The following SI variants were observed in gnomAD, a reference collection of about 807,000 sequenced individuals.
SI encodes the protein sucrase-isomaltase, intestinal.
In SI, 235 loss-of-function variants were observed where a neutral mutation model predicts 253.3. The observed-to-expected ratio is 0.93, with a 90% confidence interval of 0.83 to 1.03. SI has a LOEUF of 1.03. SI is among the 50% of genes least tolerant of loss of function. SI has a pLI of 0.00. For synonymous variants in SI, 819 were observed against 712.0 expected, an observed-to-expected ratio of 1.15 and a Z score of -2.39; for missense variants, 2,442 against 2,211.1, an observed-to-expected ratio of 1.10 and a Z score of -2.09.
intron 13 of SI, among the ~76,000 whole-genome samples, chr3:165,050,121 T>C (rs1713351837): frequency 6.6e-6 from 1 of 152,122 alleles, no homozygotes; most frequent in Non-Finnish European, 1.5e-5. Context: ...TGATTATATA[T>C]AATTACATTA....
rs1452212854 is a variant in SI, at chr3:165,017,665, G to A, written c.3642C>T (p.Gly1214=). 1.9e-6 allele frequency: 3 copies of A among 1,612,480 alleles called. No homozygotes were observed. Among genetic ancestry groups the A allele is most frequent in the Non-Finnish European group, 1.7e-6 (2 of 1,178,986 alleles). Residue 1214 remains glycine, a synonymous_variant, in exon 31 of 48, where the codon GGC becomes GGT. Coordinates refer to ENST00000264382, the MANE Select transcript of SI (RefSeq NM_001041.4). ...CCCAATAAGCTGGCATGACTGGATG[G>A]CCAATTACCTTTAAAAAAAATTCAT... is the stretch of plus-strand genomic sequence containing the variant. The part of the protein sequence containing the change: ...VATKQYHEVI[G]HPVMPAYWAL...
At chr3:164,988,503 C>A (rs1417840608) in intron 44 of SI, among the ~76,000 whole-genome samples, 1 of 152,094 alleles carries the variant, frequency 6.6e-6, no homozygotes, top group Admixed American at 6.6e-5. Context: ...CAAGGCACAC[C>A]TTATGAATGG....
intron 5 of SI, 58 bp downstream of exon 5, chr3:165,068,664 C>T (rs1429862609): frequency 2.4e-6 from 3 of 1,269,616 alleles, no homozygotes; most frequent in East Asian, 4.6e-5. Flanking sequence ...TGAGCCACCG[C>T]GCCCAGCCCA....
chr3:164,991,526 A>T (rs1350437508), intron 43 of SI, 49 bp from the exon 44 acceptor site: 5 of 1,599,066 alleles, frequency 3.1e-6, no homozygotes, highest in Non-Finnish European at 4.3e-6. Context: ...AAATGGAATC[A>T]TCAGCAACAC....
chr3:164,996,783 TA>T lies in SI; in HGVS notation c.4541-12del. The T allele has an allele frequency of 1.0e-6, 1 of 984,656 alleles. No homozygotes were observed. 61.0% of individuals were successfully genotyped at this position (984,656 alleles called of 1,614,324 possible). On this transcript the variant is annotated splice_polypyrimidine_tract_variant and intron_variant, in intron 38 of 47. Transcript: ENST00000264382. ...TAAATTCCATCATACCTGAAAAAGTTAGAAAAAATATCTTAGAAAGTTATTA... is the reference window on the plus strand; with the variant it reads ...TAAATTCCATCATACCTGAAAAAGTTGAAAAAATATCTTAGAAAGTTATTA...
chr3:165,045,226 G>C (rs1713042246), intron 16 of SI, among the ~76,000 whole-genome samples: 1 of 151,824 alleles, frequency 6.6e-6, no homozygotes, highest in South Asian at 2.1e-4. Flanking sequence ...CCCTTTTATT[G>C]TTTAAATTGG....
chr3:165,012,953 T>G, intron 34 of SI, 27 bp downstream of exon 34: 1 of 1,405,652 alleles, frequency 7.1e-7, no homozygotes. Context: ...TTCTTCTCAT[T>G]GTATAGTTAG....
intron 25 of SI, among the ~76,000 whole-genome samples, chr3:165,025,735 A>G (rs964381794): frequency 4.6e-5 from 7 of 151,364 alleles, no homozygotes; most frequent in Non-Finnish European, 1.0e-4. Context: ...ATCCAGAAAA[A>G]CTAAGGTTCA....
chr3:165,007,481 C>A (rs1718568595), intron 36 of SI, among the ~76,000 whole-genome samples: 1 of 151,924 alleles, frequency 6.6e-6, no homozygotes, highest in Non-Finnish European at 1.5e-5. Flanking sequence ...GCATTCTTTC[C>A]CTTATCCTTA....
chr3:165,041,925 A>T (rs1712855174), intron 17 of SI, among the ~76,000 whole-genome samples: 1 of 152,022 alleles, frequency 6.6e-6, no homozygotes, highest in East Asian at 1.9e-4. Flanking sequence ...GTCAGTGGTC[A>T]ACTTTCCCTG....
intron 15 of SI, 35 bp from the exon 16 acceptor site, chr3:165,047,047 T>C: frequency 6.9e-7 from 1 of 1,457,774 alleles, no homozygotes; most frequent in Middle Eastern, 1.8e-4. Context: ...ATACAATTTA[T>C]TTTAAAAAAT....
intron 37 of SI, 80 bp from the exon 38 acceptor site, chr3:164,998,753 A>G: frequency 8.4e-7 from 1 of 1,195,224 alleles, no homozygotes; most frequent in Admixed American, 1.7e-5. Context: ...TACTTTGTAA[A>G]AAAAAATAGT....
intron 18 of SI, 147 bp downstream of exon 18, chr3:165,040,793 T>C: frequency 1.6e-6 from 1 of 635,242 alleles, no homozygotes; most frequent in Non-Finnish European, 2.8e-6. Flanking sequence ...CTGGCATCAT[T>C]ATATAGCTCT....
At chr3:165,054,728 A>C (rs1713607514) in intron 13 of SI, among the ~76,000 whole-genome samples, 1 of 152,198 alleles carries the variant, frequency 6.6e-6, no homozygotes, top group Middle Eastern at 3.4e-3. Context: ...GTAATACTTA[A>C]CCTATTGCCA....
chr3:165,006,734 T>G (rs1718526593), intron 37 of SI, 82 bp downstream of exon 37: 1 of 1,206,898 alleles, frequency 8.3e-7, no homozygotes, highest in African/African-American at 1.5e-5. Flanking sequence ...GAGAAGATTG[T>G]CGGGACTGTT....
At chr3:165,088,768 T>A in the SI span, among the ~76,000 whole-genome samples, 4 of 151,994 alleles carry the variant, frequency 2.6e-5, no homozygotes, top group Non-Finnish European at 4.4e-5. Context: ...GTTTTTTTTT[T>A]AAACCTTTTA....
At chr3:164,996,889 AT>A in intron 38 of SI, 117 bp from the exon 39 acceptor site, 2 of 534,786 alleles carry the variant, frequency 3.7e-6, no homozygotes, top group Non-Finnish European at 3.1e-6. Flanking sequence ...AACCTGAAAC[AT>A]TTTTCAGATT....
chr3:165,017,060 AT>A (rs1719069109), intron 31 of SI, among the ~76,000 whole-genome samples: 1 of 151,936 alleles, frequency 6.6e-6, no homozygotes, highest in Non-Finnish European at 1.5e-5. Flanking sequence ...GAGATTGATC[AT>A]TTGTGGATAC....
At chr3:165,072,732 G>A (rs1003593983) in intron 3 of SI, among the ~76,000 whole-genome samples, 3 of 152,008 alleles carry the variant, frequency 2.0e-5, no homozygotes, top group Non-Finnish European at 4.4e-5. Flanking sequence ...CTGTAAACTA[G>A]CAAAGTGACA....
Sources: allele counts gnomAD v4.1 joint callset (sites outside exome capture counted in the v4.1 genomes callset), GRCh38; gene constraint gnomAD v4.1.1; transcripts MANE v1.5; gene names NCBI Gene and HGNC (gene_info 2026-07-23, HGNC 2026-07-21).